ZNF695: variants seen among roughly 807,000 people sequenced by gnomAD.
The protein encoded by ZNF695 is zinc finger protein 695, also known as zinc finger protein SBZF3.
Under a neutral mutation model 11.2 loss-of-function variants are expected in ZNF695, and 11 were observed. That is an observed-to-expected ratio of 0.98 (90% CI 0.62 to 1.62). The LOEUF (loss-of-function observed/expected upper bound fraction) is 1.62, where lower values mean the gene tolerates loss of function less well. Ranked by LOEUF, ZNF695 falls within the 40% of genes most tolerant of loss-of-function variation. The probability of loss-of-function intolerance (pLI) is 0.00; values close to 1 mark genes in which losing one functional copy is unlikely to be tolerated. For synonymous variants in ZNF695, 190 were observed against 201.4 expected (o/e 0.94, Z 0.48); for missense variants, 559 against 590.5 (o/e 0.95, Z 0.55).
At chr1:246,992,097 G>T (rs1669057450) in intron 3 of ZNF695, among the ~76,000 whole-genome samples, 1 of 151,972 alleles carries the variant, frequency 6.6e-6, no homozygotes, top group African/African-American at 2.4e-5. Context: ...CCGGGAGGCG[G>T]AGCTTGCAGT....
At chr1:246,966,662 TGTA>T (rs1432002798) in intron 5 of ZNF695, among the ~76,000 whole-genome samples, 1 of 152,094 alleles carries the variant, frequency 6.6e-6, no homozygotes, top group East Asian at 1.9e-4. Context: ...GGCACATTCT[TGTA>T]GTACTAGCTA....
At chr1:246,957,552 T>C (rs1396436868) in intron 5 of ZNF695, among the ~76,000 whole-genome samples, 2 of 152,206 alleles carry the variant, frequency 1.3e-5, no homozygotes, top group Non-Finnish European at 2.9e-5. Context: ...CGTGAGCAGA[T>C]ATTTATAATA....
In ZNF695 at chr1:246,986,065, A is replaced by G. The variant is rs1168200751; in HGVS notation, c.*902T>C. 8.2e-6 allele frequency: 8 copies of G among 977,188 alleles called. No homozygotes were observed. Among genetic ancestry groups the G allele is most frequent in the Non-Finnish European group, 8.5e-6 (7 of 822,462 alleles). 60.5% of individuals were successfully genotyped at this position (977,188 alleles called of 1,614,324 possible). Reference sequence around the variant, plus strand: ...TTCAGTGCACCGAGTATACTTTATTATTATGTTGTTATTATTATTATTGAG... The same window carrying G: ...TTCAGTGCACCGAGTATACTTTATTGTTATGTTGTTATTATTATTATTGAG... On this transcript the variant is annotated 3_prime_UTR_variant, in exon 4 of 4. Coordinates refer to ENST00000339986, the MANE Select transcript of ZNF695 (RefSeq NM_020394.5).
At chr1:246,965,782 C>T (rs1389127182) in intron 5 of ZNF695, among the ~76,000 whole-genome samples, 1 of 151,860 alleles carries the variant, frequency 6.6e-6, no homozygotes, top group Non-Finnish European at 1.5e-5. Flanking sequence ...AAAAATTCTG[C>T]AGAGTCCCCA....
intron 4 of ZNF695, among the ~76,000 whole-genome samples, chr1:246,977,211 A>G (rs1668590207): frequency 1.3e-5 from 2 of 152,214 alleles, no homozygotes; most frequent in South Asian, 2.1e-4. Context: ...TAATGGCTCA[A>G]TAGAAATGTT....
intron 4 of ZNF695, chr1:246,968,163 C>CTGCCT (rs1668335415): frequency 6.6e-6 from 1 of 152,298 alleles, no homozygotes; most frequent in African/African-American, 2.4e-5. Context: ...CCTGTAAAAT[C>CTGCCT]AAAAGCAAGT....
At chr1:246,991,910 T>G (rs1299945302) in intron 3 of ZNF695, among the ~76,000 whole-genome samples, 1 of 152,046 alleles carries the variant, frequency 6.6e-6, no homozygotes, top group Non-Finnish European at 1.5e-5. Flanking sequence ...ATGTACTACT[T>G]ATAGGCCGGG....
At chr1:246,962,190 T>G (rs1237191017) in intron 5 of ZNF695, among the ~76,000 whole-genome samples, 2 of 152,228 alleles carry the variant, frequency 1.3e-5, no homozygotes, top group Non-Finnish European at 2.9e-5. Flanking sequence ...TGCTGACTAG[T>G]GGGGCTCAGG....
At chr1:246,974,195 C>T (rs371791482) in intron 4 of ZNF695, among the ~76,000 whole-genome samples, 1 of 150,768 alleles carries the variant, frequency 6.6e-6, no homozygotes, top group Non-Finnish European at 1.5e-5. Flanking sequence ...CAACAAAAAA[C>T]CTATTACATG....
rs1018135978 is a variant in ZNF695 at position 246,956,539 on chromosome 1, C to T, written c.489-10712G>A. The stretch of plus-strand genomic sequence containing the variant: ...GCTGAAGTAGGAGAATCACTTGAAC[C>T]CGGGAGGCAGAGGTTGCAGTGAGCC... On this transcript the variant is annotated intron_variant, in intron 5 of 5. Transcript: ENST00000487338. 9.9e-5 allele frequency among the ~76,000 whole-genome samples: 15 copies of T among 151,768 alleles called. 1 individual carries two copies. Among genetic ancestry groups the T allele is most frequent in the Non-Finnish European group, 1.8e-4 (12 of 67,932 alleles).
intron 1 of ZNF695, among the ~76,000 whole-genome samples, chr1:247,007,462 C>T (rs1669572196): frequency 7.0e-6 from 1 of 143,862 alleles, no homozygotes; most frequent in Non-Finnish European, 1.5e-5. Flanking sequence ...AGCCACCGAA[C>T]TCCAGCCTGG....
chr1:246,972,438 CA>C (rs1469744178), intron 4 of ZNF695, among the ~76,000 whole-genome samples: 1 of 152,220 alleles, frequency 6.6e-6, no homozygotes, highest in African/African-American at 2.4e-5. Context: ...CATCACCTTA[CA>C]ATGGATTATG....
intron 5 of ZNF695, among the ~76,000 whole-genome samples, chr1:246,961,486 TA>T (rs1668162887): frequency 6.6e-6 from 1 of 152,234 alleles, no homozygotes; most frequent in South Asian, 2.1e-4. Flanking sequence ...GCCATTGTTC[TA>T]TAAGCTGCTT....
At chr1:247,003,987 C>T (rs555949895) in intron 1 of ZNF695, among the ~76,000 whole-genome samples, 9 of 152,260 alleles carry the variant, frequency 5.9e-5, no homozygotes, top group East Asian at 1.9e-4. Flanking sequence ...CCAAGGCGGG[C>T]GGATCACCTG....
chr1:246,960,068 C>T (rs1668125228), intron 5 of ZNF695, among the ~76,000 whole-genome samples: 1 of 152,192 alleles, frequency 6.6e-6, no homozygotes, highest in Non-Finnish European at 1.5e-5. Context: ...TTGAAACAAA[C>T]CAATCTCATT....
intron 4 of ZNF695, among the ~76,000 whole-genome samples, chr1:246,974,029 TTTAAGTA>T (rs527318348): frequency 8.5e-4 from 129 of 152,182 alleles, no homozygotes; most frequent in African/African-American, 2.9e-3. Flanking sequence ...TTTAAGTATT[TTTAAGTA>T]TTAAGTATTT....
intron 5 of ZNF695, among the ~76,000 whole-genome samples, chr1:246,957,743 C>T (rs1038659113): frequency 2.6e-5 from 4 of 151,764 alleles, no homozygotes; most frequent in Non-Finnish European, 5.9e-5. Flanking sequence ...TCAGGTGACT[C>T]CTACATTAGC....
intron 3 of ZNF695, among the ~76,000 whole-genome samples, chr1:246,997,087 G>A (rs1255100738): frequency 2.0e-5 from 3 of 150,892 alleles, no homozygotes; most frequent in African/African-American, 7.3e-5. Flanking sequence ...AACTGTTCAT[G>A]TGTGGTGGCT....
chr1:246,956,865 C>T (rs970607093), intron 5 of ZNF695, among the ~76,000 whole-genome samples: 1 of 151,956 alleles, frequency 6.6e-6, no homozygotes, highest in African/African-American at 2.4e-5. Context: ...GAGATGATAA[C>T]GTTGTTGTGA....
Sources: gnomAD v4.1 joint callset for allele counts (sites outside exome capture counted in the v4.1 genomes callset) on GRCh38, gnomAD v4.1.1 for gene constraint, MANE v1.5 for transcripts, NCBI Gene and HGNC (gene_info 2026-07-23, HGNC 2026-07-21) for gene names.